The following RPS6KA6 variants were observed in gnomAD, a reference collection of about 807,000 sequenced individuals.
The protein encoded by RPS6KA6 is ribosomal protein S6 kinase A6.
Under a neutral mutation model 65.4 loss-of-function variants are expected in RPS6KA6, and 27 were observed. That is an observed-to-expected ratio of 0.41 (90% CI 0.30 to 0.57). The LOEUF (loss-of-function observed/expected upper bound fraction) is 0.57. RPS6KA6 is among the 20% of genes least tolerant of loss of function. The probability of loss-of-function intolerance (pLI) is 0.24; values close to 1 mark genes in which losing one functional copy is unlikely to be tolerated. For missense variants in RPS6KA6, 486 were observed against 555.6 expected, an observed-to-expected ratio of 0.87 and a Z score of 1.26; for synonymous variants, 190 against 184.2, an observed-to-expected ratio of 1.03 and a Z score of -0.26.
chrX:84,125,461 G>A (rs770634789), intron 8 of RPS6KA6, among the ~76,000 whole-genome samples: 45 of 111,812 alleles, frequency 4.0e-4, no homozygotes, highest in African/African-American at 1.4e-3. Context: ...TGGACAATCA[G>A]TGTTAAGTTT....
intron 3 of RPS6KA6, among the ~76,000 whole-genome samples, chrX:84,148,466 ATTTAGTT>A (rs2147554624): frequency 9.0e-6 from 1 of 111,428 alleles, no homozygotes; most frequent in African/African-American, 3.3e-5. Context: ...CTTAGATTTA[ATTTAGTT>A]TTTAATCAAA....
Position 84,104,550 on chromosome X carries a change from A to G in RPS6KA6, c.1563T>C (p.Ser521=), listed in dbSNP as rs1339453727. 8.4e-7 allele frequency: 1 copy of G among 1,187,462 alleles called. No homozygotes were observed. Among genetic ancestry groups the G allele is most frequent in the Non-Finnish European group, 1.1e-6 (1 of 880,774 alleles). The change falls in exon 17 of 22, where the codon AGT becomes AGC. Residue 521 remains serine (S), a synonymous_variant. Coordinates refer to ENST00000262752, the MANE Select transcript of RPS6KA6 (RefSeq NM_014496.5). ...TCTTACTTATTACATATAGTATATC[A>G]CTAGCCTCCCGTTCCGAGAAACATT... ...KQKCFSEREA[S]DILYVISKTV...
chrX:84,123,036 G>A (rs1412178063), intron 8 of RPS6KA6, among the ~76,000 whole-genome samples: 1 of 112,136 alleles, frequency 8.9e-6, no homozygotes, highest in East Asian at 2.8e-4. Flanking sequence ...GGGCAGAGTT[G>A]TGAGGTTCCC....
intron 8 of RPS6KA6, among the ~76,000 whole-genome samples, chrX:84,125,142 GA>G (rs2034757132): frequency 1.8e-5 from 2 of 112,066 alleles, no homozygotes; most frequent in Admixed American, 9.5e-5. Flanking sequence ...TGTCTTATAA[GA>G]AATGCTAAAG....
chrX:84,153,211 C>CCTGTACTTAAAAATGA (rs2035359317), intron 3 of RPS6KA6, among the ~76,000 whole-genome samples: 1 of 111,649 alleles, frequency 9.0e-6, no homozygotes, highest in Non-Finnish European at 1.9e-5. Context: ...TTCAAAAATT[C>CCTGTACTTAAAAATGA]ATTTTTAAGT....
intron 12 of RPS6KA6, among the ~76,000 whole-genome samples, chrX:84,110,876 T>TA (rs2034456581): frequency 9.1e-6 from 1 of 109,774 alleles, no homozygotes; most frequent in Non-Finnish European, 1.9e-5. Flanking sequence ...AAATGACAGA[T>TA]AAAACATTCA....
Position 84,113,403 on chromosome X carries a change from A to C in RPS6KA6, c.1008+2826T>G, listed in dbSNP as rs149127294. ...CAATATCCCTGATGAATATAGATGCAAAAATCCTCAACGAAATACTAGCAA... is the reference window on the plus strand; with the variant it reads ...CAATATCCCTGATGAATATAGATGCCAAAATCCTCAACGAAATACTAGCAA... On this transcript the variant is annotated intron_variant, in intron 12 of 21. Coordinates refer to ENST00000262752, the MANE Select transcript of RPS6KA6 (RefSeq NM_014496.5). Among the ~76,000 whole-genome samples the C allele has an allele frequency of 8.8e-3, 983 of 111,961 alleles. 15 individuals carry two copies. Among genetic ancestry groups the C allele is most frequent in the African/African-American group, 0.031 (947 of 30,828 alleles).
chrX:84,092,722 A>G (rs999590878), intron 20 of RPS6KA6, among the ~76,000 whole-genome samples: 1 of 111,602 alleles, frequency 9.0e-6, no homozygotes, highest in African/African-American at 3.3e-5. Context: ...AGAAATGGGA[A>G]CCCTTACACA....
intron 20 of RPS6KA6, among the ~76,000 whole-genome samples, chrX:84,094,805 A>G (rs1050385933): frequency 8.9e-6 from 1 of 111,963 alleles, no homozygotes; most frequent in Admixed American, 9.5e-5. Flanking sequence ...ATCTCAGCAG[A>G]TATTTTTAAA....
Position 84,062,841 on chromosome X carries a change from C to A in RPS6KA6, c.*1436G>T, listed in dbSNP as rs1009311466. ...TACATAGCAAATAGTACACCTAACA[C>A]GCACAAGTAGTTCACTTATATTCAC... On this transcript the variant is annotated 3_prime_UTR_variant, in exon 22 of 22. Coordinates refer to ENST00000262752, the MANE Select transcript of RPS6KA6 (RefSeq NM_014496.5). 9.0e-6 allele frequency: 1 copy of A among 110,898 alleles called. No individual in the cohort carries two copies. The highest frequency in any genetic ancestry group is 3.3e-5 in the African/African-American group (1 of 30,620). 9.1% of individuals were successfully genotyped at this position (110,898 alleles called of 1,213,427 possible). A position where few individuals can be genotyped will look rare whatever the true frequency, so the allele number is the denominator to read the frequency against.
chrX:84,135,174 C>A lies in RPS6KA6; in HGVS notation c.538G>T (p.Ala180Ser), dbSNP rs755377318. The A allele has an allele frequency of 5.7e-5, 69 of 1,201,101 alleles. No individual in the cohort carries two copies. Among genetic ancestry groups the A allele is most frequent in the Non-Finnish European group, 7.4e-5 (66 of 888,817 alleles). ...FTEEDVKFYL[A>S]ELALALDHLH... ...TGATCCAAAGCAAGGGCCAGTTCTG[C>A]GAGGTAGAATTTCACATCTTCCTCT... is the stretch of plus-strand genomic sequence containing the variant. The change falls in exon 7 of 22, where the codon GCA becomes TCA. Residue 180 changes from alanine to serine, a missense_variant. Around this residue, in one of 3 missense-constraint regions of RPS6KA6, gnomAD observed 35 missense variants for 75.5 expected, o/e 0.46. Coordinates refer to ENST00000262752, the MANE Select transcript of RPS6KA6 (RefSeq NM_014496.5).
At chrX:84,185,631 A>G (rs1032603951) in intron 1 of RPS6KA6, among the ~76,000 whole-genome samples, 2 of 112,110 alleles carry the variant, frequency 1.8e-5, no homozygotes, top group Non-Finnish European at 3.8e-5. Context: ...TAATCTTACC[A>G]GATTCAACAC....
chrX:84,093,678 T>C (rs1285836714), intron 20 of RPS6KA6, among the ~76,000 whole-genome samples: 3 of 112,339 alleles, frequency 2.7e-5, no homozygotes, highest in Non-Finnish European at 5.6e-5. Context: ...TGAGCACAAT[T>C]GGCAATGTTA....
intron 20 of RPS6KA6, 118 bp from the exon 21 acceptor site, chrX:84,065,229 A>C (rs1288379232): frequency 2.2e-6 from 1 of 455,440 alleles, no homozygotes; most frequent in Non-Finnish European, 3.6e-6. Flanking sequence ...ACCTACATTT[A>C]TGCAAAGTAA....
chrX:84,172,696 C>T (rs1045347862), intron 1 of RPS6KA6, among the ~76,000 whole-genome samples: 1 of 111,422 alleles, frequency 9.0e-6, no homozygotes, highest in Non-Finnish European at 1.9e-5. Flanking sequence ...TTACAAATAG[C>T]CAAAAGGTAG....
rs2033281247 is a variant in RPS6KA6 at position 84,060,183 on chromosome X, T to C, written c.*4094A>G. ...ACATAAAAAGGCAAATAGCCCACTA[T>C]TGATTTATTCTGCTAATTTCAACAA... is the stretch of plus-strand genomic sequence containing the variant. On this transcript the variant is annotated 3_prime_UTR_variant, in exon 22 of 22. Coordinates refer to ENST00000262752, the MANE Select transcript of RPS6KA6 (RefSeq NM_014496.5). The C allele has an allele frequency of 9.0e-6, 1 of 111,729 alleles. No homozygotes were observed. Among genetic ancestry groups the C allele is most frequent in the East Asian group, 2.8e-4 (1 of 3,596 alleles). The allele number at this position is 111,729 out of a possible 1,213,427, so 9.2% of individuals were successfully genotyped here. A position where few individuals can be genotyped will look rare whatever the true frequency, so the allele number is the denominator to read the frequency against.
chrX:84,122,225 C>T (rs1461212994), intron 8 of RPS6KA6, among the ~76,000 whole-genome samples: 1 of 111,256 alleles, frequency 9.0e-6, no homozygotes, highest in Non-Finnish European at 1.9e-5. Context: ...AGAGTCTTTG[C>T]AGATAGGGGA....
intron 2 of RPS6KA6, among the ~76,000 whole-genome samples, chrX:84,159,407 T>TA (rs2035474766): frequency 9.0e-6 from 1 of 111,210 alleles, no homozygotes; most frequent in Non-Finnish European, 1.9e-5. Context: ...GTAATGTACT[T>TA]ATAAGTGATA....
chrX:84,126,998 T>C (rs1233463829), intron 8 of RPS6KA6, among the ~76,000 whole-genome samples: 1 of 111,192 alleles, frequency 9.0e-6, no homozygotes, highest in Non-Finnish European at 1.9e-5. Flanking sequence ...CAGAAATAAA[T>C]GAATTTTAAA....
Sources: allele counts gnomAD v4.1 joint callset (sites outside exome capture counted in the v4.1 genomes callset), GRCh38; gene constraint gnomAD v4.1.1; regional missense constraint gnomAD v4.1.1; transcripts MANE v1.5; gene names NCBI Gene and HGNC (gene_info 2026-07-23, HGNC 2026-07-21).